P4HB: variants seen among roughly 807,000 people sequenced by gnomAD.
P4HB encodes protein disulfide-isomerase.
P4HB carries 20 observed loss-of-function variants against 52.6 expected under a neutral mutation model. The ratio of observed to expected loss-of-function variants is 0.38; its 90% CI spans 0.27 to 0.55. The LOEUF (loss-of-function observed/expected upper bound fraction) is 0.55, where lower values mean the gene tolerates loss of function less well. Among genes scored for constraint, P4HB ranks in the 20% least tolerant of loss-of-function variants. The pLI, the probability that P4HB is intolerant of heterozygous loss-of-function variation, is 0.74. For synonymous variants in P4HB, 296 were observed against 277.9 expected (o/e 1.07, Z -0.65); for missense variants, 601 against 669.2 (o/e 0.90, Z 1.12).
chr17:81,855,370 G>C lies in P4HB; in HGVS notation c.486+83C>G, dbSNP rs112093718. The stretch of plus-strand genomic sequence containing the variant: ...GTAGAGCCCAGGCCAGGGGGGACAC[G>C]TGCAGAACTGCCAGCTGCAGGCTGT... On this transcript the variant is annotated intron_variant, in intron 3 of 10. Coordinates refer to ENST00000331483, the MANE Select transcript of P4HB (RefSeq NM_000918.4). The surrounding 1 kb of genome is among the most constrained non-coding windows in gnomAD (Gnocchi z 4.3). The C allele has an allele frequency of 1.3e-5, 21 of 1,596,072 alleles. No homozygotes were observed. The highest frequency in any genetic ancestry group is 6.7e-5 in the Admixed American group (4 of 59,412).
At chr17:81,851,172 C>T (rs1174399379) in intron 4 of P4HB, among the ~76,000 whole-genome samples, 2 of 152,118 alleles carry the variant, frequency 1.3e-5, no homozygotes, top group African/African-American at 2.4e-5. Flanking sequence ...CCTCGTGACC[C>T]GCCCACCTCA....
Position 81,843,960 on chromosome 17 carries a change from G to T in P4HB, c.*52C>A. 7.6e-7 allele frequency: 1 copy of T among 1,312,988 alleles called. No homozygotes were observed. The highest frequency in any genetic ancestry group is 1.1e-6 in the Non-Finnish European group (1 of 906,288). The allele number at this position is 1,312,988 out of a possible 1,614,324, so 81.3% of individuals were successfully genotyped here. A position where few individuals can be genotyped will look rare whatever the true frequency, so the allele number is the denominator to read the frequency against. ...GGCTTCGGAGGCGTGCGCTGCTGCTGGGTGTGCAGCCCCCGAGGGGTCTCG... is the reference window on the plus strand; with the variant it reads ...GGCTTCGGAGGCGTGCGCTGCTGCTTGGTGTGCAGCCCCCGAGGGGTCTCG... On this transcript the variant is annotated 3_prime_UTR_variant, in exon 11 of 11. Transcript: ENST00000331483.
At position 81,846,710 on chromosome 17, in the gene P4HB, C is replaced by G. The variant is rs1052868539; in HGVS notation, c.856-81G>C. 3 of 1,420,330 alleles carry G rather than the reference C, an allele frequency of 2.1e-6. No homozygotes were observed. In the African/African-American group the frequency reaches 4.2e-5, roughly 20 times the overall value. The allele number at this position is 1,420,330 out of a possible 1,614,324, so 88.0% of individuals were successfully genotyped here. ...GCCCTGACTTTGCTCGGAAGCAGAC[C>G]GTGCTCCGGTGCCTTTTTCCTCCAA... On this transcript the variant is annotated intron_variant, in intron 6 of 10. Coordinates refer to ENST00000331483, the MANE Select transcript of P4HB (RefSeq NM_000918.4). This position sits in a 1 kb window ranked among gnomAD's most constrained non-coding sequence, Gnocchi z 5.7.
Position 81,859,149 on chromosome 17 carries a change from A to AAT in P4HB, c.352+31_352+32insAT, listed in dbSNP as rs774682312. The AAT allele has an allele frequency of 4.7e-5, 76 of 1,600,642 alleles. No homozygotes were observed. In the African/African-American group the frequency reaches 9.5e-4, roughly 20 times the overall value. On this transcript the variant is annotated intron_variant, in intron 2 of 10. Coordinates refer to ENST00000331483, the MANE Select transcript of P4HB (RefSeq NM_000918.4). The stretch of plus-strand genomic sequence containing the variant: ...AAGTCGGCAGGCCAGTCCCTCTCTA[A>AAT]AGACAGTTCAAGGGCAGTGCCACAG...
At chr17:81,847,905 C>CTT (rs1193629056) in intron 4 of P4HB, 40 of 123,128 alleles carry the variant, frequency 3.2e-4, no homozygotes, top group Non-Finnish European at 5.0e-4. Context: ...AGGTCTTGAT[C>CTT]TTTTTTTTTT....
Position 81,859,262 on chromosome 17 carries a change from C to A in P4HB, c.271G>T (p.Ala91Ser), listed in dbSNP as rs2143371028. 6.2e-7 allele frequency: 1 copy of A among 1,614,036 alleles called. No homozygotes were observed. Among genetic ancestry groups the A allele is most frequent in the East Asian group, 2.2e-5 (1 of 44,886 alleles). The change falls in exon 2 of 11, where the codon GCC (alanine) becomes TCC (serine). Residue 91 changes from alanine (A) to serine (S), a missense_variant. Transcript: ENST00000331483. Reference sequence around the variant, plus strand: ...TAGCCGCGCACGCCGTACTGCTGGGCCAGGTCAGACTCCTCCGTGGCGTCC... The same window carrying A: ...TAGCCGCGCACGCCGTACTGCTGGGACAGGTCAGACTCCTCCGTGGCGTCC... ...KVDATEESDL[A>S]QQYGVRGYPT...
intron 4 of P4HB, 141 bp from the exon 5 acceptor site, chr17:81,847,488 G>A (rs918797135): frequency 1.6e-5 from 11 of 708,206 alleles, no homozygotes; most frequent in Non-Finnish European, 2.9e-5. Flanking sequence ...TCCAGCAATG[G>A]GTACAGGACA....
In P4HB at chr17:81,844,676, C is replaced by T. The variant is rs989018985; in HGVS notation, c.1446+468G>A. 2.0e-5 allele frequency among the ~76,000 whole-genome samples: 3 copies of T among 152,208 alleles called. No individual in the cohort carries two copies. In the South Asian group the frequency reaches 6.2e-4, roughly 32 times the overall value. ...CTTCACCATGGTCAAGCACCCCGCC[C>T]CTGCCGCATCCTCCCAACACCAGCC... is the stretch of plus-strand genomic sequence containing the variant. On this transcript the variant is annotated intron_variant, in intron 10 of 10. Coordinates refer to ENST00000331483, the MANE Select transcript of P4HB (RefSeq NM_000918.4).
intron 4 of P4HB, among the ~76,000 whole-genome samples, chr17:81,854,538 T>C (rs1442968766): frequency 8.1e-6 from 1 of 123,760 alleles, no homozygotes; most frequent in Non-Finnish European, 1.7e-5. Context: ...TGAGAAACCC[T>C]ATCTCAAAAA....
Position 81,848,400 on chromosome 17 carries a change from G to A in P4HB, c.625-1053C>T, listed in dbSNP as rs145639455. On this transcript the variant is annotated intron_variant, in intron 4 of 10. Coordinates refer to ENST00000331483, the MANE Select transcript of P4HB (RefSeq NM_000918.4). Reference sequence around the variant, plus strand: ...TTTTGTCTGGGACAAACTAGTTTCCGTAAAGATGTGATTTATGATAACATG... The same window carrying A: ...TTTTGTCTGGGACAAACTAGTTTCCATAAAGATGTGATTTATGATAACATG... Among the ~76,000 whole-genome samples the A allele has an allele frequency of 2.5e-3, 373 of 152,186 alleles. 1 individual carries two copies. Among genetic ancestry groups the A allele is most frequent in the Non-Finnish European group, 4.0e-3 (272 of 68,002 alleles).
intron 10 of P4HB, 143 bp downstream of exon 10, chr17:81,845,001 A>G (rs1176658208): frequency 3.1e-6 from 2 of 650,660 alleles, no homozygotes; most frequent in Non-Finnish European, 5.5e-6. Context: ...TGCTGGGCGA[A>G]GGTGTGGGGC....
At position 81,846,745 on chromosome 17, in the gene P4HB, C is replaced by T. The variant is rs1011391145; in HGVS notation, c.856-116G>A. The T allele has an allele frequency of 1.7e-5, 21 of 1,262,422 alleles. No homozygotes were observed. Among genetic ancestry groups the T allele is most frequent in the Admixed American group, 1.1e-4 (6 of 52,482 alleles). The allele number at this position is 1,262,422 out of a possible 1,614,324, so 78.2% of individuals were successfully genotyped here. A position where few individuals can be genotyped will look rare whatever the true frequency, so the allele number is the denominator to read the frequency against. On this transcript the variant is annotated intron_variant, in intron 6 of 10. Transcript: ENST00000331483. The surrounding 1 kb of genome is among the most constrained non-coding windows in gnomAD (Gnocchi z 5.7). ...TGCCTTTTTCCTCCAACCTGGATTC[C>T]GGGGTTGCCCAACCAGACCAGCAGG...
At chr17:81,851,519 C>T (rs868721237) in intron 4 of P4HB, among the ~76,000 whole-genome samples, 10 of 152,236 alleles carry the variant, frequency 6.6e-5, no homozygotes, top group Admixed American at 6.5e-5. Flanking sequence ...AAGCCAAGTT[C>T]AGGAGGCCCT....
intron 4 of P4HB, among the ~76,000 whole-genome samples, chr17:81,852,765 C>T (rs1391183846): frequency 6.6e-6 from 1 of 152,272 alleles, no homozygotes; most frequent in African/African-American, 2.4e-5. Context: ...ACCACCCTCC[C>T]AGCCTTCGCG....
At chr17:81,851,376 G>A (rs1019992480) in intron 4 of P4HB, among the ~76,000 whole-genome samples, 1 of 152,252 alleles carries the variant, frequency 6.6e-6, no homozygotes, top group African/African-American at 2.4e-5. Flanking sequence ...ACCCTGGCCT[G>A]GCCTGACTGC....
At position 81,855,704 on chromosome 17, in the gene P4HB, T is replaced by A. The variant is rs558788371; in HGVS notation, c.353-118A>T. ...CTGAGGACACCTGAATCAACCTAAG[T>A]AAGATGTTCTCCCACCATGGAAGAG... On this transcript the variant is annotated intron_variant, in intron 2 of 10. Coordinates refer to ENST00000331483, the MANE Select transcript of P4HB (RefSeq NM_000918.4). The surrounding 1 kb of genome is among the most constrained non-coding windows in gnomAD (Gnocchi z 4.3). 2.5e-6 allele frequency: 3 copies of A among 1,195,882 alleles called. No individual in the cohort carries two copies. The highest frequency in any genetic ancestry group is 2.5e-5 in the Admixed American group (1 of 39,434). 74.1% of individuals were successfully genotyped at this position (1,195,882 alleles called of 1,614,324 possible). A position where few individuals can be genotyped will look rare whatever the true frequency, so the allele number is the denominator to read the frequency against.
At chr17:81,850,256 C>A (rs1408318598) in intron 4 of P4HB, among the ~76,000 whole-genome samples, 1 of 151,888 alleles carries the variant, frequency 6.6e-6, no homozygotes, top group Non-Finnish European at 1.5e-5. Context: ...CCTCTGCCTC[C>A]CAAGTAGCTG....
intron 4 of P4HB, among the ~76,000 whole-genome samples, chr17:81,852,440 G>C (rs114399124): frequency 0.013 from 1,995 of 152,338 alleles, 42 homozygotes; most frequent in African/African-American, 0.046. Flanking sequence ...TAACAGCCTG[G>C]TGGAAAAGGA....
rs200278911 is a variant in P4HB, at chr17:81,843,562, C to T, written c.*450G>A. ...TGAGTGACCATGTCCAGTCCGGCTC[C>T]GTCCCTCCCACACGGGGGACAAGCT... On this transcript the variant is annotated 3_prime_UTR_variant, in exon 11 of 11. Coordinates refer to ENST00000331483, the MANE Select transcript of P4HB (RefSeq NM_000918.4). 8 of 431,682 alleles carry T rather than the reference C, an allele frequency of 1.9e-5. No homozygotes were observed. Among genetic ancestry groups the T allele is most frequent in the Non-Finnish European group, 2.4e-5 (6 of 245,632 alleles). 26.7% of individuals were successfully genotyped at this position (431,682 alleles called of 1,614,324 possible).
Sources: allele counts gnomAD v4.1 joint callset (sites outside exome capture counted in the v4.1 genomes callset), GRCh38; gene constraint gnomAD v4.1.1; non-coding constraint Gnocchi (gnomAD v3.1); transcripts MANE v1.5; gene names NCBI Gene and HGNC (gene_info 2026-07-23, HGNC 2026-07-21).